ARK2C: variants seen among roughly 807,000 people sequenced by gnomAD.
ARK2C encodes E3 ubiquitin-protein ligase ARK2C.
At chr18:46,459,926 T>G in the ARK2C span, 3 of 152,594 alleles carry the variant, frequency 2.0e-5, no homozygotes, top group Non-Finnish European at 4.4e-5. Context: ...AAGTTGGGCG[T>G]CCTAGCAGCT....
the ARK2C span, among the ~76,000 whole-genome samples, chr18:46,416,985 C>A: frequency 6.6e-6 from 1 of 152,270 alleles, no homozygotes; most frequent in East Asian, 1.9e-4. Context: ...GGTAAGCATA[C>A]AAGGAGGGGA....
the ARK2C span, among the ~76,000 whole-genome samples, chr18:46,428,376 T>C: frequency 6.6e-6 from 1 of 152,084 alleles, no homozygotes; most frequent in Non-Finnish European, 1.5e-5. Context: ...GCCACTGCAC[T>C]TCAGCCTGGT....
At chr18:46,350,916 G>A in the ARK2C span, among the ~76,000 whole-genome samples, 5 of 152,186 alleles carry the variant, frequency 3.3e-5, no homozygotes, top group Non-Finnish European at 7.4e-5. Context: ...AGGAGAAGAG[G>A]GCCGGGTTTA....
the ARK2C span, chr18:46,433,380 G>T: frequency 6.2e-7 from 1 of 1,613,328 alleles, no homozygotes; most frequent in East Asian, 2.2e-5. Flanking sequence ...CGCTGACCCC[G>T]CTGCCCACCC....
the ARK2C span, among the ~76,000 whole-genome samples, chr18:46,454,831 T>G: frequency 2.6e-5 from 4 of 152,224 alleles, no homozygotes; most frequent in South Asian, 2.1e-4. Context: ...GATGTGAACA[T>G]GAAAGGTGGG....
At chr18:46,415,654 A>T in the ARK2C span, among the ~76,000 whole-genome samples, 23 of 152,314 alleles carry the variant, frequency 1.5e-4, no homozygotes, top group East Asian at 2.3e-3. Flanking sequence ...ACGGGCTTGG[A>T]ATCAAACAGG....
chr18:46,377,538 C>A, the ARK2C span, among the ~76,000 whole-genome samples: 1 of 152,054 alleles, frequency 6.6e-6, no homozygotes, highest in African/African-American at 2.4e-5. Flanking sequence ...GAGATGTGAC[C>A]TGAAGGGCAG....
At chr18:46,437,799 A>C in the ARK2C span, among the ~76,000 whole-genome samples, 4 of 152,138 alleles carry the variant, frequency 2.6e-5, no homozygotes, top group Non-Finnish European at 5.9e-5. Context: ...TCTCAGTTCT[A>C]ACTCTGCTCC....
At chr18:46,372,338 G>A in the ARK2C span, among the ~76,000 whole-genome samples, 4 of 152,134 alleles carry the variant, frequency 2.6e-5, no homozygotes, top group South Asian at 4.2e-4. Flanking sequence ...AAGTCACTTC[G>A]CTCTTCCTGC....
the ARK2C span, among the ~76,000 whole-genome samples, chr18:46,363,366 C>T: frequency 3.9e-5 from 6 of 152,178 alleles, no homozygotes; most frequent in Non-Finnish European, 7.3e-5. Context: ...TAAAAAATAT[C>T]GAAAGGAACA....
the ARK2C span, chr18:46,461,081 C>T: frequency 6.6e-6 from 1 of 152,274 alleles, no homozygotes; most frequent in African/African-American, 2.4e-5. Context: ...CCAGACATTA[C>T]AAGAGGAACA....
chr18:46,357,343 C>T, the ARK2C span, among the ~76,000 whole-genome samples: 1 of 152,146 alleles, frequency 6.6e-6, no homozygotes. Flanking sequence ...GTGGTCCCTG[C>T]CTTTGTGGAG....
the ARK2C span, among the ~76,000 whole-genome samples, chr18:46,404,879 C>T: frequency 8.5e-5 from 13 of 152,064 alleles, no homozygotes; most frequent in Admixed American, 7.9e-4. Flanking sequence ...GTTGGAGAAA[C>T]AGAGGCATAG....
chr18:46,453,262 G>C, the ARK2C span, among the ~76,000 whole-genome samples: 1 of 152,206 alleles, frequency 6.6e-6, no homozygotes, highest in Non-Finnish European at 1.5e-5. Context: ...AGGGGAAAAT[G>C]ATCATTCTCT....
chr18:46,361,722 C>G, the ARK2C span, among the ~76,000 whole-genome samples: 1 of 152,162 alleles, frequency 6.6e-6, no homozygotes, highest in Non-Finnish European at 1.5e-5. Context: ...GGCCTGGGCA[C>G]CAAGTCCTAT....
chr18:46,380,877 G>C, the ARK2C span, among the ~76,000 whole-genome samples: 32 of 152,334 alleles, frequency 2.1e-4, no homozygotes, highest in Middle Eastern at 3.4e-3. Context: ...CCACGTCTCA[G>C]CACTGCAGTG....
At chr18:46,456,796 G>C in the ARK2C span, 30 of 636,342 alleles carry the variant, frequency 4.7e-5, no homozygotes, top group Admixed American at 6.1e-4. Flanking sequence ...TGTCGAGGGA[G>C]AGGAGGGGGT....
At chr18:46,445,381 C>T in the ARK2C span, among the ~76,000 whole-genome samples, 4 of 152,148 alleles carry the variant, frequency 2.6e-5, no homozygotes, top group Admixed American at 6.5e-5. Flanking sequence ...TCTGCTCTGG[C>T]TGACTGGAAT....
At chr18:46,383,292 A>G in the ARK2C span, among the ~76,000 whole-genome samples, 1 of 152,184 alleles carries the variant, frequency 6.6e-6, no homozygotes, top group Non-Finnish European at 1.5e-5. Flanking sequence ...GAAAAATACA[A>G]TTTTTCTACA....
Sources: allele counts gnomAD v4.1 joint callset (sites outside exome capture counted in the v4.1 genomes callset), GRCh38; gene constraint gnomAD v4.1.1; transcripts MANE v1.5; gene names NCBI Gene and HGNC (gene_info 2026-07-23, HGNC 2026-07-21).